The following DTX1 variants were observed in gnomAD, a reference collection of about 807,000 sequenced individuals.
DTX1 encodes E3 ubiquitin-protein ligase DTX1.
In DTX1, 26 loss-of-function variants were observed where a neutral mutation model predicts 57.8. That is an observed-to-expected ratio of 0.45 (90% CI 0.33 to 0.62). The LOEUF (loss-of-function observed/expected upper bound fraction) is 0.62. Ranked by LOEUF, DTX1 falls within the 20% of genes least tolerant of loss-of-function variation. DTX1 has a pLI of 0.02. For missense variants in DTX1, 704 were observed against 895.3 expected, an observed-to-expected ratio of 0.79 and a Z score of 2.73; for synonymous variants, 398 against 394.1, an observed-to-expected ratio of 1.01 and a Z score of -0.12.
At chr12:113,073,643 T>C (rs1406578684) in intron 2 of DTX1, among the ~76,000 whole-genome samples, 2 of 152,212 alleles carry the variant, frequency 1.3e-5, no homozygotes, top group Non-Finnish European at 2.9e-5. Flanking sequence ...TCTGTAGCCC[T>C]TGTGATTCTA....
At chr12:113,091,737 T>G (rs1950250684) in intron 3 of DTX1, among the ~76,000 whole-genome samples, 1 of 152,206 alleles carries the variant, frequency 6.6e-6, no homozygotes, top group Non-Finnish European at 1.5e-5. Context: ...CCAGACAGCA[T>G]TAGACAGGCT....
rs2044640044 is a variant in DTX1, at chr12:113,057,967, T to A, written c.-226T>A. The A allele has an allele frequency of 1.5e-6, 1 of 662,922 alleles. No individual in the cohort carries two copies. The allele number at this position is 662,922 out of a possible 1,614,324, so 41.1% of individuals were successfully genotyped here. A position where few individuals can be genotyped will look rare whatever the true frequency, so the allele number is the denominator to read the frequency against. On this transcript the variant is annotated 5_prime_UTR_variant, in exon 2 of 10. Transcript: ENST00000548759. ...ACACTTGCTTTCCAGGGCAGCACCC[T>A]TTATCGGAGAAGGCTCTACAGGGAA...
chr12:113,075,829 A>G (rs2044767519), intron 2 of DTX1, among the ~76,000 whole-genome samples: 1 of 151,774 alleles, frequency 6.6e-6, no homozygotes, highest in Non-Finnish European at 1.5e-5. Flanking sequence ...AAAAAAAAAG[A>G]ATCCATTTGT....
chr12:113,073,388 T>C (rs2044749745), intron 2 of DTX1, among the ~76,000 whole-genome samples: 1 of 152,162 alleles, frequency 6.6e-6, no homozygotes, highest in Admixed American at 6.5e-5. Flanking sequence ...GAAATCAATC[T>C]GCACACACTC....
At chr12:113,078,960 C>T (rs138997202) in intron 3 of DTX1, among the ~76,000 whole-genome samples, 2 of 152,154 alleles carry the variant, frequency 1.3e-5, no homozygotes, top group African/African-American at 2.4e-5. Context: ...CTTGTTTTAA[C>T]CAGAGCAGCC....
intron 3 of DTX1, among the ~76,000 whole-genome samples, chr12:113,084,525 A>G (rs953669739): frequency 5.9e-5 from 9 of 152,194 alleles, no homozygotes; most frequent in Admixed American, 4.6e-4. Flanking sequence ...AGCTGAGACT[A>G]AAGGTATGCA....
At chr12:113,087,126 G>C (rs544843662) in intron 3 of DTX1, among the ~76,000 whole-genome samples, 1 of 151,590 alleles carries the variant, frequency 6.6e-6, no homozygotes, top group South Asian at 2.1e-4. Flanking sequence ...CGGGAGGGTT[G>C]AAGAGTGACC....
chr12:113,090,590 T>G (rs1414246013), intron 3 of DTX1, among the ~76,000 whole-genome samples: 1 of 152,192 alleles, frequency 6.6e-6, no homozygotes, highest in Non-Finnish European at 1.5e-5. Flanking sequence ...GGACCCAGGG[T>G]ACCCGCCATC....
intron 2 of DTX1, among the ~76,000 whole-genome samples, chr12:113,068,773 A>C (rs2044721445): frequency 6.6e-6 from 1 of 152,220 alleles, no homozygotes; most frequent in African/African-American, 2.4e-5. Context: ...GAATGCACTG[A>C]ACATTGCAAA....
Position 113,096,687 on chromosome 12 carries a change from C to T in DTX1, c.1639-28C>T, listed in dbSNP as rs114232024. 7.7e-4 allele frequency: 1,223 copies of T among 1,586,648 alleles called. 7 individuals carry two copies. In the African/African-American group the frequency reaches 0.012, roughly 16 times the overall value. On this transcript the variant is annotated intron_variant, in intron 9 of 9. Coordinates refer to ENST00000548759, the MANE Select transcript of DTX1 (RefSeq NM_004416.3). The stretch of plus-strand genomic sequence containing the variant: ...CTGGAAGCTGCCTGTGACCTCCTCC[C>T]GGCCCCACTGTGTCCCTGTCCCCCC...
At position 113,093,330 on chromosome 12, in the gene DTX1, G is replaced by A. The variant is rs76801457; in HGVS notation, c.1003+107G>A. The A allele has an allele frequency of 7.1e-7, 1 of 1,405,312 alleles. No individual in the cohort carries two copies. Among genetic ancestry groups the A allele is most frequent in the Non-Finnish European group, 9.6e-7 (1 of 1,039,436 alleles). The allele number at this position is 1,405,312 out of a possible 1,614,324, so 87.1% of individuals were successfully genotyped here. ...GAGATGGGCTGGTGAGCGTGGCCCG[G>A]AGGAAACGCCCCCTTCCACTGGGCC... On this transcript the variant is annotated intron_variant, in intron 4 of 9. Coordinates refer to ENST00000548759, the MANE Select transcript of DTX1 (RefSeq NM_004416.3). This position sits in a 1 kb window ranked among gnomAD's most constrained non-coding sequence, Gnocchi z 4.2.
intron 2 of DTX1, among the ~76,000 whole-genome samples, chr12:113,061,949 G>A (rs190005281): frequency 2.3e-4 from 35 of 151,932 alleles, no homozygotes; most frequent in African/African-American, 8.2e-4. Flanking sequence ...CAAGTGAGCC[G>A]CCCGCCTCGG....
chr12:113,072,803 A>C (rs2044745899), intron 2 of DTX1, among the ~76,000 whole-genome samples: 1 of 147,440 alleles, frequency 6.8e-6, no homozygotes, highest in Admixed American at 7.1e-5. Context: ...TCCTGGGTTC[A>C]AGCGATTCTC....
At chr12:113,080,618 C>CGGAATGGAAT (rs55888393) in intron 3 of DTX1, among the ~76,000 whole-genome samples, 2 of 146,932 alleles carry the variant, frequency 1.4e-5, no homozygotes, top group Non-Finnish European at 3.0e-5. Flanking sequence ...TGGAATGGAA[C>CGGAATGGAAT]GGAATGGAAA....
chr12:113,072,514 C>CTGAA, intron 2 of DTX1, among the ~76,000 whole-genome samples: 1 of 152,202 alleles, frequency 6.6e-6, no homozygotes, highest in African/African-American at 2.4e-5. Context: ...GCCATTGTAG[C>CTGAA]TGTATTCATT....
At chr12:113,063,822 C>G (rs1283029390) in intron 2 of DTX1, among the ~76,000 whole-genome samples, 1 of 152,298 alleles carries the variant, frequency 6.6e-6, no homozygotes, top group East Asian at 1.9e-4. Flanking sequence ...GCTGTTACCA[C>G]CCAGATGGGA....
Position 113,094,112 on chromosome 12 carries a change from TG to T in DTX1, c.1227+20del, listed in dbSNP as rs764071516. 1,999 of 454,664 alleles carry T rather than the reference TG, an allele frequency of 4.4e-3. 9 individuals carry two copies. The highest frequency in any genetic ancestry group is 7.1e-3 in the Non-Finnish European group (1,759 of 249,166). The allele number at this position is 454,664 out of a possible 1,614,324, so 28.2% of individuals were successfully genotyped here. A position where few individuals can be genotyped will look rare whatever the true frequency, so the allele number is the denominator to read the frequency against. ...CCCACCTGATGAGGTGAGGAGGGGA[TG>T]GGGGGGCTGGGGGAGGGCCCTGGCA... On this transcript the variant is annotated intron_variant, in intron 6 of 9. Coordinates refer to ENST00000548759, the MANE Select transcript of DTX1 (RefSeq NM_004416.3).
intron 3 of DTX1, among the ~76,000 whole-genome samples, chr12:113,088,666 A>G (rs1950222623): frequency 6.6e-6 from 1 of 152,230 alleles, no homozygotes; most frequent in Admixed American, 6.5e-5. Flanking sequence ...AGAATTCAGT[A>G]AGGTAAGGAC....
intron 2 of DTX1, among the ~76,000 whole-genome samples, chr12:113,076,689 T>C (rs1306358407): frequency 6.6e-6 from 1 of 152,148 alleles, no homozygotes; most frequent in Non-Finnish European, 1.5e-5. Flanking sequence ...GAATGAATCA[T>C]TGAATGAAGG....
Sources: allele counts gnomAD v4.1 joint callset (sites outside exome capture counted in the v4.1 genomes callset), GRCh38; gene constraint gnomAD v4.1.1; non-coding constraint Gnocchi (gnomAD v3.1); transcripts MANE v1.5; gene names NCBI Gene and HGNC (gene_info 2026-07-23, HGNC 2026-07-21).